RYR3: variants seen among roughly 807,000 people sequenced by gnomAD.
The protein encoded by RYR3 is brain ryanodine receptor-calcium release channel.
RYR3 carries 207 observed loss-of-function variants against 584.3 expected under a neutral mutation model. That is an observed-to-expected ratio of 0.35 (90% CI 0.32 to 0.40). RYR3 has a LOEUF of 0.40. Ranked by LOEUF, RYR3 falls within the 10% of genes least tolerant of loss-of-function variation. The probability of loss-of-function intolerance (pLI) is 1.00; values close to 1 mark genes in which losing one functional copy is unlikely to be tolerated. For missense variants in RYR3, 5,616 were observed against 6,089.2 expected (o/e 0.92, Z 2.59); for synonymous variants, 2,416 against 2,248.5 (o/e 1.07, Z -2.11).
intron 1 of RYR3, among the ~76,000 whole-genome samples, chr15:33,452,119 A>C (rs1246055682): frequency 6.6e-6 from 1 of 152,238 alleles, no homozygotes; most frequent in African/African-American, 2.4e-5. Flanking sequence ...CAGAATTAAA[A>C]TTGGTTCCAA....
intron 94 of RYR3, chr15:33,849,933 A>G (rs985131042): frequency 1.3e-5 from 2 of 152,252 alleles, no homozygotes; most frequent in African/African-American, 4.8e-5. Flanking sequence ...TTCTCACACA[A>G]GGAAAAGCAC....
intron 51 of RYR3, among the ~76,000 whole-genome samples, chr15:33,741,443 A>G (rs1318598720): frequency 2.0e-5 from 3 of 151,704 alleles, no homozygotes; most frequent in South Asian, 2.1e-4. Context: ...TTGCCCAGTC[A>G]TATGCCCATC....
intron 1 of RYR3, among the ~76,000 whole-genome samples, chr15:33,356,329 G>T (rs1279919941): frequency 6.6e-6 from 1 of 152,144 alleles, no homozygotes; most frequent in Non-Finnish European, 1.5e-5. Flanking sequence ...GGTGTGCTTT[G>T]TGATATGCTG....
At chr15:33,805,643 A>G (rs1258946643) in intron 69 of RYR3, among the ~76,000 whole-genome samples, 1 of 151,206 alleles carries the variant, frequency 6.6e-6, no homozygotes, top group Non-Finnish European at 1.5e-5. Flanking sequence ...ACGCCCGGCT[A>G]ATTTTTTGTA....
At chr15:33,476,829 CAG>C (rs2049427627) in intron 2 of RYR3, among the ~76,000 whole-genome samples, 2 of 152,250 alleles carry the variant, frequency 1.3e-5, no homozygotes, top group East Asian at 1.9e-4. Flanking sequence ...CACAGAGAAA[CAG>C]GGTCAAATTC....
intron 2 of RYR3, among the ~76,000 whole-genome samples, chr15:33,495,119 C>T (rs2051301807): frequency 1.3e-5 from 2 of 152,106 alleles, no homozygotes; most frequent in Non-Finnish European, 2.9e-5. Context: ...GCTCTTGAGC[C>T]CTGATAGTCC....
chr15:33,581,684 A>G (rs746006632), intron 14 of RYR3, 41 bp downstream of exon 14: 22 of 1,578,822 alleles, frequency 1.4e-5, no homozygotes, highest in East Asian at 2.2e-5. Context: ...GATGATTTCC[A>G]TGGGATTTCC....
At chr15:33,372,260 C>T (rs1030298831) in intron 1 of RYR3, among the ~76,000 whole-genome samples, 19 of 151,890 alleles carry the variant, frequency 1.3e-4, no homozygotes, top group African/African-American at 2.7e-4. Flanking sequence ...GGCATGATCT[C>T]GGCTAACTGC....
chr15:33,623,919 G>A lies in RYR3; in HGVS notation c.2470G>A (p.Val824Ile). ...LPKEKMRLEPVKEYKRDADGI... is the reference protein window; with the variant it reads ...LPKEKMRLEPIKEYKRDADGI... ...AAAAGAGAAGATGAGATTGGAGCCT[G>A]TCAAAGAATATAAACGTGATGCTGA... The change falls in exon 20 of 104, where the codon GTC (valine) becomes ATC (isoleucine). Residue 824 changes from valine (V) to isoleucine (I), a missense_variant. Physicochemically the swap from Val to Ile is conservative, Grantham distance 29. Transcript: ENST00000634891. The A allele has an allele frequency of 6.2e-7, 1 of 1,613,916 alleles. No homozygotes were observed.
intron 42 of RYR3, among the ~76,000 whole-genome samples, chr15:33,702,376 C>T (rs558398324): frequency 3.9e-5 from 6 of 152,336 alleles, no homozygotes; most frequent in Non-Finnish European, 5.9e-5. Context: ...TGGTAGTAAT[C>T]AAAGCCCAAG....
intron 43 of RYR3, among the ~76,000 whole-genome samples, chr15:33,717,837 A>G (rs2067614477): frequency 6.6e-6 from 1 of 152,164 alleles, no homozygotes; most frequent in Non-Finnish European, 1.5e-5. Context: ...AGTTACTAGC[A>G]TGTAGTGTGG....
intron 38 of RYR3, among the ~76,000 whole-genome samples, chr15:33,686,468 C>A (rs1008047091): frequency 6.6e-5 from 10 of 152,044 alleles, no homozygotes; most frequent in Non-Finnish European, 1.5e-4. Flanking sequence ...CAGGACCAGA[C>A]GAATTCACAG....
chr15:33,801,214 A>G (rs1421950182), intron 68 of RYR3, among the ~76,000 whole-genome samples: 1 of 152,224 alleles, frequency 6.6e-6, no homozygotes, highest in Non-Finnish European at 1.5e-5. Context: ...ACAGTTGTCA[A>G]TCAGAAAGAG....
intron 17 of RYR3, among the ~76,000 whole-genome samples, chr15:33,602,788 C>T (rs2059734988): frequency 7.9e-6 from 1 of 127,014 alleles, no homozygotes; most frequent in South Asian, 2.6e-4. Flanking sequence ...CTCTGCTGCC[C>T]AGGCTGGAGT....
At chr15:33,592,862 C>T (rs2059198004) in intron 16 of RYR3, among the ~76,000 whole-genome samples, 1 of 152,216 alleles carries the variant, frequency 6.6e-6, no homozygotes, top group African/African-American at 2.4e-5. Flanking sequence ...GTGCCCGTGA[C>T]AGAGCCTCAG....
At chr15:33,345,652 T>G (rs1204939838) in intron 1 of RYR3, among the ~76,000 whole-genome samples, 6 of 152,218 alleles carry the variant, frequency 3.9e-5, no homozygotes. Context: ...GGGTCCAGCC[T>G]GGGTCCCAGC....
At chr15:33,665,956 A>G (rs531074554) in intron 36 of RYR3, among the ~76,000 whole-genome samples, 9 of 152,170 alleles carry the variant, frequency 5.9e-5, no homozygotes, top group Non-Finnish European at 1.3e-4. Flanking sequence ...TTGAGCAAGC[A>G]TCAGAATCAT....
At chr15:33,524,003 G>A (rs1447758725) in intron 3 of RYR3, among the ~76,000 whole-genome samples, 1 of 152,160 alleles carries the variant, frequency 6.6e-6, no homozygotes, top group Non-Finnish European at 1.5e-5. Context: ...CGTTTCCTGA[G>A]GATCCTGGCA....
At chr15:33,533,753 G>C (rs1267150856) in intron 5 of RYR3, among the ~76,000 whole-genome samples, 2 of 152,160 alleles carry the variant, frequency 1.3e-5, no homozygotes, top group African/African-American at 4.8e-5. Context: ...ATGAAATATA[G>C]TGTCTAGATC....
Sources: allele counts gnomAD v4.1 joint callset (sites outside exome capture counted in the v4.1 genomes callset), GRCh38; gene constraint gnomAD v4.1.1; transcripts MANE v1.5; gene names NCBI Gene and HGNC (gene_info 2026-07-23, HGNC 2026-07-21).